The following CNKSR2 variants were observed in gnomAD, a reference collection of about 807,000 sequenced individuals.
CNKSR2 encodes the protein connector enhancer of kinase suppressor of Ras 2.
Under a neutral mutation model 84.4 loss-of-function variants are expected in CNKSR2, and 14 were observed. The ratio of observed to expected loss-of-function variants is 0.17; its 90% CI spans 0.11 to 0.26. CNKSR2 has a LOEUF of 0.26. Ranked by LOEUF, CNKSR2 falls within the 10% of genes least tolerant of loss-of-function variation. The pLI is 1.00. For synonymous variants in CNKSR2, 275 were observed against 277.9 expected (o/e 0.99, Z 0.10); for missense variants, 485 against 771.2 (o/e 0.63, Z 4.40).
intron 6 of CNKSR2, chrX:21,495,829 A>T (rs1173502322): frequency 9.9e-6 from 1 of 101,069 alleles, no homozygotes; most frequent in Non-Finnish European, 2.0e-5. Flanking sequence ...AAAACACGAA[A>T]AATTTACTCT....
chrX:21,581,453 T>G (rs940488675), intron 13 of CNKSR2, among the ~76,000 whole-genome samples: 1 of 111,879 alleles, frequency 8.9e-6, no homozygotes, highest in Non-Finnish European at 1.9e-5. Flanking sequence ...GAAATGAGCA[T>G]TCTAAGTGTA....
At chrX:21,586,555 C>T (rs942660463) in intron 13 of CNKSR2, among the ~76,000 whole-genome samples, 1 of 111,405 alleles carries the variant, frequency 9.0e-6, no homozygotes, top group East Asian at 2.8e-4. Context: ...AGCTAAAATT[C>T]CAAAGCGTCT....
chrX:21,422,869 A>C (rs892961213), intron 1 of CNKSR2, among the ~76,000 whole-genome samples: 1 of 111,414 alleles, frequency 9.0e-6, no homozygotes, highest in Non-Finnish European at 1.9e-5. Flanking sequence ...TATCAATTTA[A>C]GAAAAGACTG....
At chrX:21,425,487 T>A (rs1208857133) in intron 1 of CNKSR2, 1 of 111,727 alleles carries the variant, frequency 9.0e-6, no homozygotes, top group Non-Finnish European at 1.9e-5. Flanking sequence ...ATAATCTCTC[T>A]GTTTGGAAAC....
At chrX:21,599,696 AG>A (rs2092470975) in intron 17 of CNKSR2, among the ~76,000 whole-genome samples, 1 of 111,301 alleles carries the variant, frequency 9.0e-6, no homozygotes, top group Non-Finnish European at 1.9e-5. Flanking sequence ...AGTAAAGATA[AG>A]GCACTGGATT....
chrX:21,435,777 C>T (rs984564223), intron 3 of CNKSR2, among the ~76,000 whole-genome samples: 15 of 111,541 alleles, frequency 1.3e-4, no homozygotes, highest in Non-Finnish European at 2.5e-4. Flanking sequence ...TAAAAATGTT[C>T]AAAATTATTA....
chrX:21,498,249 A>AGGGC (rs763817844), intron 7 of CNKSR2, among the ~76,000 whole-genome samples: 1 of 111,962 alleles, frequency 8.9e-6, no homozygotes, highest in East Asian at 2.8e-4. Flanking sequence ...ATTCAGTGGA[A>AGGGC]GGGCAGCATG....
chrX:21,471,853 C>G (rs962888656), intron 5 of CNKSR2, among the ~76,000 whole-genome samples: 18 of 111,734 alleles, frequency 1.6e-4, no homozygotes, highest in African/African-American at 5.8e-4. Flanking sequence ...ACAACTCCCT[C>G]ACGTTGATCT....
chrX:21,528,760 G>A (rs189638672), intron 10 of CNKSR2, among the ~76,000 whole-genome samples: 98 of 111,155 alleles, frequency 8.8e-4, no homozygotes, highest in Non-Finnish European at 1.5e-3. Flanking sequence ...TAGTTGGTCA[G>A]TGTATAATTT....
chrX:21,377,798 G>A lies in CNKSR2; in HGVS notation c.64+2837G>A, dbSNP rs751153094. Among the ~76,000 whole-genome samples the A allele has an allele frequency of 1.2e-3, 135 of 111,106 alleles. 1 individual carries two copies. Among genetic ancestry groups the A allele is most frequent in the Admixed American group, 9.5e-4 (10 of 10,474 alleles). On this transcript the variant is annotated intron_variant, in intron 1 of 21. Transcript: ENST00000379510. ...TGGTATAGAAACTCAGTCCCAGAGA[G>A]GGAAATGAAGGGGGAAAAAAAGCTG...
intron 5 of CNKSR2, among the ~76,000 whole-genome samples, chrX:21,481,723 G>C (rs1205961874): frequency 1.8e-5 from 2 of 111,861 alleles, no homozygotes; most frequent in African/African-American, 3.3e-5. Context: ...ATATTCTCTT[G>C]CTGGCCTTGA....
chrX:21,526,360 C>A (rs1322672851), intron 9 of CNKSR2, among the ~76,000 whole-genome samples: 1 of 110,974 alleles, frequency 9.0e-6, no homozygotes, highest in Non-Finnish European at 1.9e-5. Flanking sequence ...ACTTTTGTAA[C>A]CTTTTCTGAG....
In CNKSR2 at chrX:21,516,028, A is replaced by G. The variant is rs141648491; in HGVS notation, c.811-457A>G. Among the ~76,000 whole-genome samples, 22 of 111,838 alleles carry G rather than the reference A, an allele frequency of 2.0e-4. No individual in the cohort carries two copies. The East Asian group carries it at 6.2e-3, about 32-fold the overall frequency. On this transcript the variant is annotated intron_variant, in intron 8 of 21. Coordinates refer to ENST00000379510, the MANE Select transcript of CNKSR2 (RefSeq NM_014927.5). ...TGGTAGTAAAATATCAGTCTAATTT[A>G]GAGACACTGGTACCACTTATCTCTA...
At chrX:21,640,942 G>A (rs756433194) in intron 20 of CNKSR2, among the ~76,000 whole-genome samples, 2 of 111,716 alleles carry the variant, frequency 1.8e-5, no homozygotes, top group South Asian at 3.7e-4. Context: ...TTAGCTTTTC[G>A]TTTCTTGGCA....
At chrX:21,426,944 C>G in intron 2 of CNKSR2, 1 of 293,170 alleles carries the variant, frequency 3.4e-6, no homozygotes, top group South Asian at 7.3e-5. Context: ...ATAGATGAAC[C>G]ACTCATGTGC....
intron 20 of CNKSR2, among the ~76,000 whole-genome samples, chrX:21,626,650 C>T (rs12011780): frequency 0.013 from 1,463 of 112,100 alleles, 17 homozygotes; most frequent in African/African-American, 0.046. Context: ...TGGAGCTCTC[C>T]TAATGAAGAA....
chrX:21,589,344 A>G (rs1310108427), intron 13 of CNKSR2, among the ~76,000 whole-genome samples: 1 of 112,306 alleles, frequency 8.9e-6, no homozygotes, highest in African/African-American at 3.2e-5. Context: ...GAGCAATGAT[A>G]CTAAATAATA....
chrX:21,420,403 A>C (rs1218251624), intron 1 of CNKSR2, among the ~76,000 whole-genome samples: 1 of 112,240 alleles, frequency 8.9e-6, no homozygotes, highest in East Asian at 2.8e-4. Context: ...CCCCCTATGC[A>C]TGAGCTGGTA....
intron 13 of CNKSR2, among the ~76,000 whole-genome samples, chrX:21,587,256 A>G (rs1329322831): frequency 8.9e-6 from 1 of 111,957 alleles, no homozygotes; most frequent in Non-Finnish European, 1.9e-5. Flanking sequence ...CAGCCAAACT[A>G]TTATTCAAGA....
Sources: gnomAD v4.1 joint callset for allele counts (sites outside exome capture counted in the v4.1 genomes callset) on GRCh38, gnomAD v4.1.1 for gene constraint, MANE v1.5 for transcripts, NCBI Gene and HGNC (gene_info 2026-07-23, HGNC 2026-07-21) for gene names.